The following ADAMTS3 variants were observed in gnomAD, a reference collection of about 807,000 sequenced individuals.
ADAMTS3 encodes the protein A disintegrin and metalloproteinase with thrombospondin motifs 3.
Under a neutral mutation model 129.0 loss-of-function variants are expected in ADAMTS3, and 73 were observed. That is an observed-to-expected ratio of 0.57 (90% confidence interval 0.47 to 0.69). The LOEUF is 0.69. Among genes scored for constraint, ADAMTS3 ranks in the 30% least tolerant of loss-of-function variants. ADAMTS3 has a pLI of 0.00. For synonymous variants in ADAMTS3, 477 were observed against 510.8 expected, an observed-to-expected ratio of 0.93 and a Z score of 0.89; for missense variants, 1,457 against 1,514.5, an observed-to-expected ratio of 0.96 and a Z score of 0.63.
intron 3 of ADAMTS3, among the ~76,000 whole-genome samples, chr4:72,501,973 T>C (rs1256061538): frequency 6.6e-6 from 1 of 152,170 alleles, no homozygotes; most frequent in Non-Finnish European, 1.5e-5. Context: ...TACTTGATCA[T>C]GGTGCATTCA....
At chr4:72,536,261 C>T (rs1477509613) in intron 3 of ADAMTS3, among the ~76,000 whole-genome samples, 1 of 152,078 alleles carries the variant, frequency 6.6e-6, no homozygotes, top group African/African-American at 2.4e-5. Flanking sequence ...TAGAACTCTT[C>T]AGGAGAGCAG....
chr4:72,485,497 G>C (rs1223130520), intron 3 of ADAMTS3, among the ~76,000 whole-genome samples: 3 of 151,674 alleles, frequency 2.0e-5, no homozygotes, highest in Non-Finnish European at 4.4e-5. Flanking sequence ...TGTATGTTCT[G>C]GTTTAACAGG....
chr4:72,441,846 C>T (rs1718124529), intron 3 of ADAMTS3: 1 of 150,706 alleles, frequency 6.6e-6, no homozygotes, highest in African/African-American at 2.5e-5. Flanking sequence ...AAAGGGAAGC[C>T]TTGACAAGAA....
chr4:72,372,919 T>C (rs948871746), intron 4 of ADAMTS3, among the ~76,000 whole-genome samples: 1 of 152,166 alleles, frequency 6.6e-6, no homozygotes, highest in Admixed American at 6.6e-5. Context: ...TAGCCAAATA[T>C]AATTTTGCTG....
intron 4 of ADAMTS3, among the ~76,000 whole-genome samples, chr4:72,370,652 A>C (rs1439139256): frequency 6.6e-6 from 1 of 152,132 alleles, no homozygotes; most frequent in African/African-American, 2.4e-5. Flanking sequence ...CAGGAGGTTG[A>C]GGCAGAAGAA....
intron 4 of ADAMTS3, among the ~76,000 whole-genome samples, chr4:72,375,170 T>C (rs958552724): frequency 6.6e-6 from 1 of 152,194 alleles, no homozygotes; most frequent in Non-Finnish European, 1.5e-5. Context: ...ACTGTCTTCC[T>C]TCCCCAAAAC....
intron 4 of ADAMTS3, among the ~76,000 whole-genome samples, chr4:72,359,398 T>G (rs1379585612): frequency 2.6e-5 from 4 of 152,160 alleles, no homozygotes; most frequent in Admixed American, 2.6e-4. Context: ...CCTCAAGATA[T>G]AGTGTATAGT....
intron 3 of ADAMTS3, among the ~76,000 whole-genome samples, chr4:72,534,587 T>G (rs575336795): frequency 1.3e-5 from 2 of 152,264 alleles, no homozygotes; most frequent in East Asian, 3.9e-4. Flanking sequence ...ACCAGAAATT[T>G]TGTATGTTTT....
At chr4:72,337,055 G>T (rs372709773) in intron 5 of ADAMTS3, among the ~76,000 whole-genome samples, 1 of 152,172 alleles carries the variant, frequency 6.6e-6, no homozygotes, top group East Asian at 1.9e-4. Flanking sequence ...TTCTTCATCT[G>T]TGTGATTTCC....
At chr4:72,378,724 C>G (rs1721199406) in intron 4 of ADAMTS3, among the ~76,000 whole-genome samples, 1 of 151,810 alleles carries the variant, frequency 6.6e-6, no homozygotes, top group African/African-American at 2.4e-5. Context: ...TGCTACAGAA[C>G]AAATCACAAA....
At chr4:72,403,730 T>G (rs561404448) in intron 4 of ADAMTS3, among the ~76,000 whole-genome samples, 2 of 152,046 alleles carry the variant, frequency 1.3e-5, no homozygotes, top group South Asian at 4.1e-4. Context: ...GATAAAAAAA[T>G]TTTTTAAAAT....
At chr4:72,303,203 T>A (rs1482167488) in intron 17 of ADAMTS3, among the ~76,000 whole-genome samples, 1 of 152,112 alleles carries the variant, frequency 6.6e-6, no homozygotes, top group East Asian at 1.9e-4. Context: ...CAGATTCCCC[T>A]CTTTCTCAGA....
At chr4:72,401,581 A>AAG (rs1384353472) in intron 4 of ADAMTS3, among the ~76,000 whole-genome samples, 5 of 142,346 alleles carry the variant, frequency 3.5e-5, no homozygotes, top group African/African-American at 1.2e-4. Context: ...AAAAAAAAAA[A>AAG]AAAAAAAGAA....
chr4:72,491,057 G>T (rs1409904058), intron 3 of ADAMTS3, among the ~76,000 whole-genome samples: 1 of 151,742 alleles, frequency 6.6e-6, no homozygotes, highest in Non-Finnish European at 1.5e-5. Context: ...TTATTTCTAA[G>T]TATTTTATTC....
intron 2 of ADAMTS3, among the ~76,000 whole-genome samples, chr4:72,553,592 A>G (rs1049082139): frequency 6.6e-5 from 10 of 152,140 alleles, no homozygotes; most frequent in African/African-American, 2.4e-4. Context: ...TGAGCACTCC[A>G]GGCTGCTCTC....
At chr4:72,434,838 G>A (rs1387086769) in intron 3 of ADAMTS3, among the ~76,000 whole-genome samples, 1 of 151,850 alleles carries the variant, frequency 6.6e-6, no homozygotes. Context: ...CCTTGAAGAA[G>A]CAAATGGCCA....
chr4:72,327,027 A>G (rs1188210888), intron 5 of ADAMTS3, among the ~76,000 whole-genome samples: 2 of 152,184 alleles, frequency 1.3e-5, no homozygotes, highest in African/African-American at 4.8e-5. Context: ...TTGAAATTAA[A>G]TAAGAATTGT....
At chr4:72,325,413 C>T (rs1467244580) in intron 5 of ADAMTS3, among the ~76,000 whole-genome samples, 2 of 152,026 alleles carry the variant, frequency 1.3e-5, no homozygotes, top group East Asian at 1.9e-4. Flanking sequence ...TTTATAGTTG[C>T]AATAAAAGTT....
intron 17 of ADAMTS3, among the ~76,000 whole-genome samples, chr4:72,303,381 T>C (rs1487121716): frequency 6.6e-6 from 1 of 151,766 alleles, no homozygotes; most frequent in East Asian, 1.9e-4. Context: ...AACACAGTGC[T>C]GAAAGAAGGG....
Sources: gnomAD v4.1 joint callset for allele counts (sites outside exome capture counted in the v4.1 genomes callset) on GRCh38, gnomAD v4.1.1 for gene constraint, MANE v1.5 for transcripts, NCBI Gene and HGNC (gene_info 2026-07-23, HGNC 2026-07-21) for gene names.